The following WDR25 variants were observed in gnomAD, a reference collection of about 807,000 sequenced individuals.
The protein encoded by WDR25 is WD repeat-containing protein 25.
Under a neutral mutation model 47.7 loss-of-function variants are expected in WDR25, and 35 were observed. The ratio of observed to expected loss-of-function variants is 0.73; its 90% CI spans 0.56 to 0.97. WDR25 has a LOEUF of 0.97. WDR25 is among the 50% of genes least tolerant of loss of function. The pLI, the probability that WDR25 is intolerant of heterozygous loss-of-function variation, is 0.00. For missense variants in WDR25, 634 were observed against 704.7 expected (o/e 0.90, Z 1.14); for synonymous variants, 248 against 278.9 (o/e 0.89, Z 1.10).
At chr14:100,435,505 A>T (rs1293577845) in intron 2 of WDR25, among the ~76,000 whole-genome samples, 1 of 152,224 alleles carries the variant, frequency 6.6e-6, no homozygotes, top group East Asian at 1.9e-4. Flanking sequence ...TGATAGTGAT[A>T]TGTGATCAAA....
intron 2 of WDR25, among the ~76,000 whole-genome samples, chr14:100,426,618 C>A (rs918929887): frequency 6.6e-6 from 1 of 152,194 alleles, no homozygotes; most frequent in Non-Finnish European, 1.5e-5. Context: ...TTCACTCTGC[C>A]CCTTCCCTGA....
At chr14:100,472,016 G>A (rs1415882601) in intron 3 of WDR25, among the ~76,000 whole-genome samples, 1 of 152,226 alleles carries the variant, frequency 6.6e-6, no homozygotes, top group African/African-American at 2.4e-5. Context: ...CCACACGCCA[G>A]CTCAGCCAGT....
intron 1 of WDR25, 37 bp from the exon 2 acceptor site, chr14:100,380,873 T>A (rs1036286646): frequency 6.4e-7 from 1 of 1,555,786 alleles, no homozygotes; most frequent in Non-Finnish European, 8.8e-7. Flanking sequence ...TATTCTTCCA[T>A]GCACATTTTC....
chr14:100,426,164 T>C (rs1898162087), intron 2 of WDR25, among the ~76,000 whole-genome samples: 1 of 152,258 alleles, frequency 6.6e-6, no homozygotes, highest in Admixed American at 6.5e-5. Flanking sequence ...TTAAGTTTTC[T>C]GGGAGAATCC....
intron 4 of WDR25, among the ~76,000 whole-genome samples, chr14:100,521,381 G>GC (rs1367129782): frequency 6.6e-6 from 1 of 152,104 alleles, no homozygotes; most frequent in Non-Finnish European, 1.5e-5. Context: ...CTCTAACCCT[G>GC]TCTCCCCCAT....
chr14:100,494,341 A>G (rs74081505), intron 4 of WDR25, among the ~76,000 whole-genome samples: 2,213 of 152,276 alleles, frequency 0.015, 54 homozygotes, highest in African/African-American at 0.05. Context: ...CGTATTGTCT[A>G]CTTTTTCCAT....
chr14:100,413,515 G>A (rs1012279661), intron 2 of WDR25, among the ~76,000 whole-genome samples: 2 of 151,446 alleles, frequency 1.3e-5, no homozygotes, highest in African/African-American at 2.4e-5. Context: ...CCGGGTTCAC[G>A]CCATTCTCCT....
At chr14:100,473,825 C>T (rs1415418752) in intron 3 of WDR25, among the ~76,000 whole-genome samples, 1 of 152,222 alleles carries the variant, frequency 6.6e-6, no homozygotes, top group African/African-American at 2.4e-5. Context: ...GCCTGGGCTT[C>T]TCCGTTCTTT....
At position 100,472,492 on chromosome 14, in the gene WDR25, C is replaced by A. The variant is rs562684984; in HGVS notation, c.970+4324C>A. Reference sequence around the variant, plus strand: ...ATAGGGTGCTTTGCAGAATGCCTGGCGTGTGGTAGGTCCTCAGCAAGGAAC... The same window carrying A: ...ATAGGGTGCTTTGCAGAATGCCTGGAGTGTGGTAGGTCCTCAGCAAGGAAC... On this transcript the variant is annotated intron_variant, in intron 3 of 6. Coordinates refer to ENST00000402312, the MANE Select transcript of WDR25 (RefSeq NM_001161476.3). Among the ~76,000 whole-genome samples the A allele has an allele frequency of 3.3e-5, 5 of 152,368 alleles. No homozygotes were observed. In the East Asian group the frequency reaches 9.6e-4, roughly 29 times the overall value.
chr14:100,510,194 C>T (rs985689428), intron 4 of WDR25, among the ~76,000 whole-genome samples: 4 of 151,684 alleles, frequency 2.6e-5, no homozygotes, highest in East Asian at 1.9e-4. Context: ...TGCTTGAACC[C>T]GGGAGGCGGA....
In WDR25 at chr14:100,376,494, C is replaced by A; in HGVS notation, c.-17C>A. ...TGCCTCCGGGAGAACCGAGCGCTTC[C>A]GGTGCGTGTGGTGAGCGGCGGGCCC... On this transcript the variant is annotated splice_region_variant and 5_prime_UTR_variant, in exon 1 of 7. Transcript: ENST00000402312. The A allele has an allele frequency of 1.6e-6, 2 of 1,231,724 alleles. No individual in the cohort carries two copies. The highest frequency in any genetic ancestry group is 2.0e-6 in the Non-Finnish European group (2 of 988,008). The allele number at this position is 1,231,724 out of a possible 1,614,324, so 76.3% of individuals were successfully genotyped here. A position where few individuals can be genotyped will look rare whatever the true frequency, so the allele number is the denominator to read the frequency against.
intron 4 of WDR25, among the ~76,000 whole-genome samples, chr14:100,485,818 A>G (rs1179023399): frequency 6.6e-6 from 1 of 152,188 alleles, no homozygotes; most frequent in Non-Finnish European, 1.5e-5. Flanking sequence ...GGCAGTTGGA[A>G]GGGGCTGCTG....
At chr14:100,432,229 A>G (rs1180965045) in intron 2 of WDR25, among the ~76,000 whole-genome samples, 1 of 152,270 alleles carries the variant, frequency 6.6e-6, no homozygotes, top group East Asian at 1.9e-4. Context: ...CAATTTGAAA[A>G]GAAAGAAAAT....
At chr14:100,408,515 C>T (rs1897611051) in intron 2 of WDR25, among the ~76,000 whole-genome samples, 3 of 152,048 alleles carry the variant, frequency 2.0e-5, no homozygotes, top group African/African-American at 7.3e-5. Flanking sequence ...CTCCAGCGCC[C>T]CCTCTGTGCC....
intron 4 of WDR25, among the ~76,000 whole-genome samples, chr14:100,507,661 T>C (rs1040253943): frequency 1.3e-5 from 2 of 151,782 alleles, no homozygotes; most frequent in Non-Finnish European, 2.9e-5. Flanking sequence ...GTTTTTTTTT[T>C]TTTTTATGGC....
At chr14:100,485,552 G>T (rs1048243084) in intron 4 of WDR25, among the ~76,000 whole-genome samples, 5 of 152,218 alleles carry the variant, frequency 3.3e-5, no homozygotes, top group African/African-American at 1.2e-4. Flanking sequence ...CTAGGCGTGG[G>T]CTTCACACAG....
At chr14:100,403,524 G>A (rs1292633713) in intron 2 of WDR25, among the ~76,000 whole-genome samples, 1 of 152,240 alleles carries the variant, frequency 6.6e-6, no homozygotes, top group Non-Finnish European at 1.5e-5. Context: ...CTTGTAAAGT[G>A]GTGCTGGCAT....
At chr14:100,485,665 G>T (rs958565418) in intron 4 of WDR25, among the ~76,000 whole-genome samples, 2 of 152,204 alleles carry the variant, frequency 1.3e-5, no homozygotes, top group African/African-American at 4.8e-5. Flanking sequence ...CTAGACAGGT[G>T]CAGCGTCCAA....
chr14:100,395,401 T>C (rs970479674), intron 2 of WDR25, among the ~76,000 whole-genome samples: 2 of 152,164 alleles, frequency 1.3e-5, no homozygotes, highest in Non-Finnish European at 2.9e-5. Context: ...ACCAGGCGTA[T>C]GGCAGGCACT....
Sources: allele counts gnomAD v4.1 joint callset (sites outside exome capture counted in the v4.1 genomes callset), GRCh38; gene constraint gnomAD v4.1.1; transcripts MANE v1.5; gene names NCBI Gene and HGNC (gene_info 2026-07-23, HGNC 2026-07-21).